HNRNPA1L2: variants seen among roughly 807,000 people sequenced by gnomAD.
HNRNPA1L2 encodes heterogeneous nuclear ribonucleoprotein A1-like 2.
In HNRNPA1L2, 10 loss-of-function variants were observed where a neutral mutation model predicts 18.2. That is an observed-to-expected ratio of 0.55 (90% CI 0.34 to 0.93). HNRNPA1L2 has a LOEUF of 0.93. Among genes scored for constraint, HNRNPA1L2 ranks in the 40% least tolerant of loss-of-function variants. HNRNPA1L2 has a pLI of 0.02. For missense variants in HNRNPA1L2, 308 were observed against 394.4 expected (o/e 0.78, Z 1.85); for synonymous variants, 124 against 138.6 (o/e 0.89, Z 0.74).
chr13:52,623,225 C>G, the HNRNPA1L2 span, among the ~76,000 whole-genome samples: 3 of 152,108 alleles, frequency 2.0e-5, no homozygotes, highest in Non-Finnish European at 4.4e-5. Flanking sequence ...GGCTACCAGA[C>G]CTGTTTATGA....
chr13:52,627,322 T>G, the HNRNPA1L2 span: 1 of 152,608 alleles, frequency 6.6e-6, no homozygotes, highest in South Asian at 2.1e-4. Context: ...TGAATGATAC[T>G]TTTTTGATCA....
At chr13:52,639,923 G>A (rs1258032153), upstream of HNRNPA1L2, among the ~76,000 whole-genome samples, 6 of 126,060 alleles carry the variant, frequency 4.8e-5, no homozygotes, top group African/African-American at 1.6e-4. Flanking sequence ...ATAGTGTCTC[G>A]CTCTGTTACC....
chr13:52,632,158 AAATT>A, the HNRNPA1L2 span, among the ~76,000 whole-genome samples: 2 of 152,216 alleles, frequency 1.3e-5, no homozygotes. Context: ...GAACAAATAA[AAATT>A]AATGCTAATT....
chr13:52,630,998 C>T, the HNRNPA1L2 span, among the ~76,000 whole-genome samples: 1 of 151,918 alleles, frequency 6.6e-6, no homozygotes, highest in Non-Finnish European at 1.5e-5. Context: ...AATTAGGTGG[C>T]AAAGGAGAAA....
the HNRNPA1L2 span, among the ~76,000 whole-genome samples, chr13:52,618,613 G>A: frequency 6.6e-6 from 1 of 152,164 alleles, no homozygotes; most frequent in Admixed American, 6.5e-5. Context: ...TATCCTTAAC[G>A]TTAGCAGAAG....
At chr13:52,621,127 G>T in the HNRNPA1L2 span, among the ~76,000 whole-genome samples, 1 of 152,252 alleles carries the variant, frequency 6.6e-6, no homozygotes, top group East Asian at 1.9e-4. Context: ...GCCAAAAGAG[G>T]TTTTTAACTC....
the HNRNPA1L2 span, among the ~76,000 whole-genome samples, chr13:52,627,139 T>A: frequency 6.6e-6 from 1 of 152,216 alleles, no homozygotes; most frequent in African/African-American, 2.4e-5. Flanking sequence ...GCTTGCAATA[T>A]ATATTGTTTT....
upstream of HNRNPA1L2, among the ~76,000 whole-genome samples, chr13:52,638,112 A>G (rs1961521295): frequency 6.6e-6 from 1 of 152,212 alleles, no homozygotes; most frequent in African/African-American, 2.4e-5. Flanking sequence ...GGTATTTGTT[A>G]TATGCTTGGA....
the HNRNPA1L2 span, among the ~76,000 whole-genome samples, chr13:52,622,815 G>A: frequency 1.0e-3 from 159 of 151,574 alleles, no homozygotes; most frequent in African/African-American, 3.7e-3. Flanking sequence ...AATTCTAAGT[G>A]CAATCAGTAA....
At chr13:52,624,059 G>C in the HNRNPA1L2 span, among the ~76,000 whole-genome samples, 1 of 152,202 alleles carries the variant, frequency 6.6e-6, no homozygotes, top group African/African-American at 2.4e-5. Context: ...ATGGTGGCTG[G>C]GTTCCAGGGT....
rs1451067441 is a variant in HNRNPA1L2 at position 52,642,738 on chromosome 13, A to G, written c.246A>G (p.Arg82=). The G allele has an allele frequency of 6.2e-7, 1 of 1,600,880 alleles. No homozygotes were observed. The change falls in exon 1 of 1, where the codon AGA becomes AGG. Residue 82 remains arginine, a synonymous_variant. Coordinates refer to ENST00000357495, the MANE Select transcript of HNRNPA1L2 (RefSeq NM_001389320.1). ...CAACGCCACACAAGGTGGATGGAAG[A>G]GTTGTGGAACCAAAGAGAGCTGTCT... ...MNTTPHKVDG[R]VVEPKRAVSR...
chr13:52,636,352 G>A, the HNRNPA1L2 span, among the ~76,000 whole-genome samples: 1 of 152,176 alleles, frequency 6.6e-6, no homozygotes, highest in South Asian at 2.1e-4. Context: ...CCATCAAGCT[G>A]TTTTCCAAGA....
chr13:52,633,889 C>A, the HNRNPA1L2 span, among the ~76,000 whole-genome samples: 1 of 152,122 alleles, frequency 6.6e-6, no homozygotes, highest in Non-Finnish European at 1.5e-5. Flanking sequence ...ATCTTTCTAC[C>A]AGTTATTTAT....
chr13:52,638,014 A>G (rs1433019862), upstream of HNRNPA1L2, among the ~76,000 whole-genome samples: 2 of 152,154 alleles, frequency 1.3e-5, no homozygotes, highest in South Asian at 4.1e-4. Flanking sequence ...AAAAACAAGC[A>G]AACAAAGGGC....
the HNRNPA1L2 span, among the ~76,000 whole-genome samples, chr13:52,628,978 C>T: frequency 1.3e-5 from 2 of 152,112 alleles, no homozygotes; most frequent in African/African-American, 2.4e-5. Flanking sequence ...TGGGTTCAAG[C>T]GATTCTCCTG....
the HNRNPA1L2 span, among the ~76,000 whole-genome samples, chr13:52,631,974 C>T: frequency 6.7e-6 from 1 of 149,588 alleles, no homozygotes; most frequent in Non-Finnish European, 1.5e-5. Context: ...TGTTTCCTGC[C>T]CTTAAAAACA....
chr13:52,629,704 C>A, the HNRNPA1L2 span, among the ~76,000 whole-genome samples: 1 of 152,290 alleles, frequency 6.6e-6, no homozygotes, highest in East Asian at 1.9e-4. Flanking sequence ...AATATCAATG[C>A]CTAATACTGT....
the HNRNPA1L2 span, among the ~76,000 whole-genome samples, chr13:52,619,588 C>T: frequency 6.6e-6 from 1 of 152,048 alleles, no homozygotes; most frequent in East Asian, 1.9e-4. Context: ...GCTGGGATTA[C>T]AGGCGTGAGC....
the HNRNPA1L2 span, among the ~76,000 whole-genome samples, chr13:52,635,575 AACACACACACACACACACACACACAC>A: frequency 9.8e-5 from 14 of 143,284 alleles, no homozygotes; most frequent in Admixed American, 5.6e-4. Flanking sequence ...GTCCTTTTGC[AACACACACACACACACACACACACAC>A]ACACACACAC....
Sources: allele counts gnomAD v4.1 joint callset (sites outside exome capture counted in the v4.1 genomes callset), GRCh38; gene constraint gnomAD v4.1.1; transcripts MANE v1.5; gene names NCBI Gene and HGNC (gene_info 2026-07-23, HGNC 2026-07-21).